The following NCKAP5 variants were observed in gnomAD, a reference collection of about 807,000 sequenced individuals.
The protein encoded by NCKAP5 is NCK associated protein 5, also known as nck-associated protein 5.
Under a neutral mutation model 167.0 loss-of-function variants are expected in NCKAP5, and 92 were observed. The ratio of observed to expected loss-of-function variants is 0.55; its 90% CI spans 0.47 to 0.66. NCKAP5 has a LOEUF of 0.66. Ranked by LOEUF, NCKAP5 falls within the 30% of genes least tolerant of loss-of-function variation. NCKAP5 has a pLI of 0.00. For missense variants in NCKAP5, 2,378 were observed against 2,315.0 expected, an observed-to-expected ratio of 1.03 and a Z score of -0.56; for synonymous variants, 891 against 877.4, an observed-to-expected ratio of 1.02 and a Z score of -0.27.
At position 132,921,223 on chromosome 2, in the gene NCKAP5, C is replaced by T. The variant is rs149883363; in HGVS notation, c.580-42307G>A. Among the ~76,000 whole-genome samples the T allele has an allele frequency of 2.5e-3, 375 of 152,148 alleles. 1 individual carries two copies. Among genetic ancestry groups the T allele is most frequent in the Middle Eastern group, 0.02 (6 of 294 alleles). On this transcript the variant is annotated intron_variant, in intron 8 of 19. Transcript: ENST00000409261. Reference sequence around the variant, plus strand: ...CAAACTGAACCCTTTATCTCTCTCTCCAATCTCCTCTGTTGTGGAGGATCC... The same window carrying T: ...CAAACTGAACCCTTTATCTCTCTCTTCAATCTCCTCTGTTGTGGAGGATCC...
intron 11 of NCKAP5, among the ~76,000 whole-genome samples, chr2:132,820,293 A>G (rs1686616636): frequency 6.6e-6 from 1 of 151,704 alleles, no homozygotes; most frequent in Non-Finnish European, 1.5e-5. Flanking sequence ...GTGGTGGTGC[A>G]ATCTCAGCTC....
At chr2:133,097,254 GTCA>G (rs915159532) in intron 6 of NCKAP5, among the ~76,000 whole-genome samples, 2 of 152,258 alleles carry the variant, frequency 1.3e-5, no homozygotes, top group Middle Eastern at 6.8e-3. Context: ...ATAAGCCCTA[GTCA>G]TCTACTTCTG....
chr2:133,068,459 A>G (rs2080275360), intron 6 of NCKAP5, among the ~76,000 whole-genome samples: 1 of 152,242 alleles, frequency 6.6e-6, no homozygotes, highest in Non-Finnish European at 1.5e-5. Flanking sequence ...AGAGACATGA[A>G]CAAAGGAAGC....
At chr2:133,191,727 T>C (rs2085229214) in intron 5 of NCKAP5, among the ~76,000 whole-genome samples, 1 of 151,924 alleles carries the variant, frequency 6.6e-6, no homozygotes, top group African/African-American at 2.4e-5. Context: ...ATGAGAACAC[T>C]TGGACACAGG....
intron 11 of NCKAP5, among the ~76,000 whole-genome samples, chr2:132,860,152 T>C (rs983261975): frequency 6.6e-6 from 1 of 152,212 alleles, no homozygotes; most frequent in Non-Finnish European, 1.5e-5. Flanking sequence ...AATTCTTCCT[T>C]GATTATCACA....
chr2:133,527,261 A>T (rs1347148587), intron 2 of NCKAP5: 2 of 152,224 alleles, frequency 1.3e-5, no homozygotes, highest in African/African-American at 4.8e-5. Flanking sequence ...AAAAGGTTTA[A>T]CTATGATGTC....
intron 11 of NCKAP5, among the ~76,000 whole-genome samples, chr2:132,798,168 A>G (rs1203554253): frequency 2.0e-5 from 3 of 152,162 alleles, no homozygotes; most frequent in Non-Finnish European, 2.9e-5. Context: ...TTGTTTCTGG[A>G]CAGTTTTTAT....
At chr2:132,720,755 T>C (rs1689836940) in intron 19 of NCKAP5, among the ~76,000 whole-genome samples, 2 of 152,180 alleles carry the variant, frequency 1.3e-5, no homozygotes, top group African/African-American at 4.8e-5. Flanking sequence ...CACCCTGTAA[T>C]CCCAGCACTT....
intron 2 of NCKAP5, among the ~76,000 whole-genome samples, chr2:133,541,705 T>A: frequency 6.6e-6 from 1 of 151,528 alleles, no homozygotes; most frequent in African/African-American, 2.4e-5. Flanking sequence ...AGAAAAAGAG[T>A]AAAACAAAAA....
At chr2:133,489,758 C>G (rs1185900248) in intron 3 of NCKAP5, among the ~76,000 whole-genome samples, 1 of 152,196 alleles carries the variant, frequency 6.6e-6, no homozygotes, top group Non-Finnish European at 1.5e-5. Flanking sequence ...CTCAGTCAAT[C>G]TGGCTAAATG....
intron 3 of NCKAP5, among the ~76,000 whole-genome samples, chr2:133,344,877 G>A (rs1283623744): frequency 6.6e-6 from 1 of 152,058 alleles, no homozygotes; most frequent in Non-Finnish European, 1.5e-5. Flanking sequence ...GACATGTGGA[G>A]ATGTCAAGCA....
At chr2:133,538,966 A>G in intron 2 of NCKAP5, among the ~76,000 whole-genome samples, 1 of 103,410 alleles carries the variant, frequency 9.7e-6, no homozygotes, top group East Asian at 3.0e-4. Flanking sequence ...TTTGAGACGG[A>G]GTCTCACTCT....
chr2:133,057,919 C>A (rs1393463253), intron 6 of NCKAP5, among the ~76,000 whole-genome samples: 1 of 152,172 alleles, frequency 6.6e-6, no homozygotes, highest in East Asian at 1.9e-4. Context: ...AGGCTGACTG[C>A]CTTGTTAGAG....
At chr2:133,138,949 C>T (rs775171501) in intron 5 of NCKAP5, among the ~76,000 whole-genome samples, 28 of 152,164 alleles carry the variant, frequency 1.8e-4, no homozygotes, top group Non-Finnish European at 3.7e-4. Context: ...ACAGTGTGGC[C>T]ACCTGGAACT....
At chr2:132,940,757 A>T (rs1024811991) in intron 8 of NCKAP5, among the ~76,000 whole-genome samples, 3 of 151,950 alleles carry the variant, frequency 2.0e-5, no homozygotes, top group African/African-American at 7.2e-5. Flanking sequence ...ATGCCACAAG[A>T]TTATAATTAA....
intron 9 of NCKAP5, among the ~76,000 whole-genome samples, chr2:132,875,754 C>T (rs1691215190): frequency 6.6e-6 from 1 of 152,166 alleles, no homozygotes; most frequent in Non-Finnish European, 1.5e-5. Context: ...TGCAAACCTC[C>T]AAACTCTAAG....
chr2:132,879,975 AG>A (rs1262454898), intron 8 of NCKAP5, among the ~76,000 whole-genome samples: 1 of 152,234 alleles, frequency 6.6e-6, no homozygotes, highest in African/African-American at 2.4e-5. Flanking sequence ...GCCATAAAAA[AG>A]AATGAAATAA....
chr2:133,030,016 T>C (rs770723269), intron 6 of NCKAP5, among the ~76,000 whole-genome samples: 8 of 152,196 alleles, frequency 5.3e-5, no homozygotes, highest in Non-Finnish European at 1.2e-4. Context: ...CAGCTGTCAG[T>C]GCAAACAGGC....
At chr2:133,479,623 A>C (rs1680246123) in intron 3 of NCKAP5, among the ~76,000 whole-genome samples, 1 of 152,250 alleles carries the variant, frequency 6.6e-6, no homozygotes, top group Admixed American at 6.5e-5. Context: ...AAATATGTAC[A>C]AACAGTATGT....
Sources: allele counts gnomAD v4.1 joint callset (sites outside exome capture counted in the v4.1 genomes callset), GRCh38; gene constraint gnomAD v4.1.1; transcripts MANE v1.5; gene names NCBI Gene and HGNC (gene_info 2026-07-23, HGNC 2026-07-21).